The following LASP1NB variants were observed in gnomAD, a reference collection of about 807,000 sequenced individuals.
LASP1NB encodes the protein LASP1 neighbor.
chr17:38,928,418 C>T, the LASP1NB span: 4 of 152,188 alleles, frequency 2.6e-5, no homozygotes, highest in Admixed American at 6.5e-5. Context: ...TCCCATGGAA[C>T]GAACTCTTAA....
chr17:38,925,671 C>A, the LASP1NB span: 2 of 398,520 alleles, frequency 5.0e-6, no homozygotes, highest in Non-Finnish European at 8.8e-6. Context: ...AATCCAGGGG[C>A]TTGGTCGGCC....
chr17:38,928,164 G>A, the LASP1NB span: 26 of 152,260 alleles, frequency 1.7e-4, no homozygotes, highest in African/African-American at 6.0e-4. Context: ...TTTAGGGCTA[G>A]GCCAGGTGCT....
chr17:38,927,593 A>G, the LASP1NB span: 1 of 152,194 alleles, frequency 6.6e-6, no homozygotes, highest in African/African-American at 2.4e-5. Flanking sequence ...CCTGGGAGAC[A>G]TAGCGAGATT....
At chr17:38,927,530 G>C in the LASP1NB span, 1 of 152,110 alleles carries the variant, frequency 6.6e-6, no homozygotes, top group Non-Finnish European at 1.5e-5. Flanking sequence ...AGAATTGCTT[G>C]AACCCGGGAG....
chr17:38,927,012 CCT>C, the LASP1NB span: 2 of 151,986 alleles, frequency 1.3e-5, no homozygotes, highest in Non-Finnish European at 2.9e-5. Flanking sequence ...GTTATATAGT[CCT>C]CTCTTTGCAC....
the LASP1NB span, chr17:38,926,787 T>C: frequency 2.0e-5 from 3 of 152,254 alleles, no homozygotes; most frequent in Non-Finnish European, 4.4e-5. Context: ...CAGGACTCCC[T>C]TGTGAAACTC....
chr17:38,928,513 T>C, the LASP1NB span: 3 of 152,184 alleles, frequency 2.0e-5, no homozygotes, highest in Non-Finnish European at 4.4e-5. Context: ...ACTCTTTTTT[T>C]TTCACCAACA....
chr17:38,927,015 C>G, the LASP1NB span: 3 of 152,120 alleles, frequency 2.0e-5, no homozygotes, highest in Non-Finnish European at 4.4e-5. Context: ...ATATAGTCCT[C>G]TCTTTGCACC....
the LASP1NB span, chr17:38,926,771 C>G: frequency 2.0e-5 from 3 of 152,182 alleles, no homozygotes; most frequent in Non-Finnish European, 4.4e-5. Context: ...CCTTCCTTCT[C>G]ACACACAGGA....
At chr17:38,928,794 A>C in the LASP1NB span, 1 of 152,218 alleles carries the variant, frequency 6.6e-6, no homozygotes, top group African/African-American at 2.4e-5. Flanking sequence ...GTTTCGAACT[A>C]TAATTTCCGT....
At chr17:38,928,516 C>T in the LASP1NB span, 2 of 151,156 alleles carry the variant, frequency 1.3e-5, no homozygotes, top group Non-Finnish European at 3.0e-5. Flanking sequence ...CTTTTTTTTT[C>T]ACCAACAGCC....
chr17:38,929,137 C>G, the LASP1NB span: 1 of 152,168 alleles, frequency 6.6e-6, no homozygotes, highest in East Asian at 1.9e-4. Flanking sequence ...TAAATCAATA[C>G]ATTTTGGAAA....
the LASP1NB span, chr17:38,926,944 C>A: frequency 1.3e-5 from 2 of 152,138 alleles, no homozygotes; most frequent in Non-Finnish European, 1.5e-5. Flanking sequence ...TAAAATGTAT[C>A]ATTTCTTCCC....
chr17:38,928,091 T>C, the LASP1NB span: 2 of 152,026 alleles, frequency 1.3e-5, no homozygotes, highest in Admixed American at 1.3e-4. Context: ...GAAAAAACAC[T>C]ATTCTGGAAG....
chr17:38,929,059 T>C, the LASP1NB span: 4 of 152,188 alleles, frequency 2.6e-5, no homozygotes, highest in Admixed American at 6.5e-5. Flanking sequence ...CCACTGGTAT[T>C]GGGTACAATG....
the LASP1NB span, chr17:38,926,035 T>C: frequency 3.2e-6 from 1 of 309,188 alleles, no homozygotes; most frequent in African/African-American, 2.2e-5. Context: ...AAATTACAAA[T>C]AAAATCCACA....
At chr17:38,926,330 T>C in the LASP1NB span, 4 of 152,200 alleles carry the variant, frequency 2.6e-5, no homozygotes, top group African/African-American at 9.7e-5. Flanking sequence ...GATGTCCAAC[T>C]GTGGGATATG....
chr17:38,929,066 A>C, the LASP1NB span: 2 of 152,236 alleles, frequency 1.3e-5, no homozygotes, highest in Admixed American at 1.3e-4. Flanking sequence ...TATTGGGTAC[A>C]ATGTAAGGAG....
chr17:38,926,929 GT>G, the LASP1NB span: 4 of 152,222 alleles, frequency 2.6e-5, no homozygotes, highest in African/African-American at 9.6e-5. Flanking sequence ...TGTCATTTGA[GT>G]TTTTAAAATG....
Sources: gnomAD v4.1 joint callset for allele counts on GRCh38, gnomAD v4.1.1 for gene constraint, MANE v1.5 for transcripts, NCBI Gene and HGNC (gene_info 2026-07-23, HGNC 2026-07-21) for gene names.